The following PLSCR4 variants were observed in gnomAD, a reference collection of about 807,000 sequenced individuals.
PLSCR4 encodes phospholipid scramblase 4.
In PLSCR4, 25 loss-of-function variants were observed where a neutral mutation model predicts 36.3. The ratio of observed to expected loss-of-function variants is 0.69; its 90% CI spans 0.50 to 0.96. The LOEUF (loss-of-function observed/expected upper bound fraction) is 0.96, where lower values mean the gene tolerates loss of function less well. Among genes scored for constraint, PLSCR4 ranks in the 40% least tolerant of loss-of-function variants. The probability of loss-of-function intolerance (pLI) is 0.00; values close to 1 mark genes in which losing one functional copy is unlikely to be tolerated. For synonymous variants in PLSCR4, 122 were observed against 132.9 expected, an observed-to-expected ratio of 0.92 and a Z score of 0.56; for missense variants, 408 against 414.7, an observed-to-expected ratio of 0.98 and a Z score of 0.14.
chr3:146,242,372 A>C (rs2036187792), intron 1 of PLSCR4, among the ~76,000 whole-genome samples: 1 of 152,158 alleles, frequency 6.6e-6, no homozygotes, highest in African/African-American at 2.4e-5. Context: ...TGAGTGACCA[A>C]GTTAAGGTAC....
intron 6 of PLSCR4, among the ~76,000 whole-genome samples, chr3:146,199,335 C>T (rs1204999382): frequency 1.3e-5 from 2 of 152,076 alleles, no homozygotes; most frequent in Non-Finnish European, 2.9e-5. Context: ...CTAGTTCCAG[C>T]CCTGTCCTTA....
chr3:146,203,124 T>C (rs1023818441), intron 4 of PLSCR4, among the ~76,000 whole-genome samples: 9 of 152,172 alleles, frequency 5.9e-5, no homozygotes, highest in African/African-American at 2.2e-4. Context: ...GTGAATCCTT[T>C]CCACATGGTT....
chr3:146,248,742 G>A (rs1559932822), intron 1 of PLSCR4, among the ~76,000 whole-genome samples: 1 of 152,018 alleles, frequency 6.6e-6, no homozygotes, highest in East Asian at 1.9e-4. Context: ...TGTACACTTG[G>A]GAGCATGTTT....
At chr3:146,213,271 T>C (rs1418736041) in intron 3 of PLSCR4, among the ~76,000 whole-genome samples, 1 of 152,022 alleles carries the variant, frequency 6.6e-6, no homozygotes, top group Non-Finnish European at 1.5e-5. Flanking sequence ...CTTCTTTCAT[T>C]TCTATGGAAG....
chr3:146,225,777 G>C (rs1158999455), intron 1 of PLSCR4, among the ~76,000 whole-genome samples: 6 of 152,182 alleles, frequency 3.9e-5, no homozygotes, highest in African/African-American at 1.4e-4. Flanking sequence ...TGGCCCGCAA[G>C]CGCCGCACGC....
chr3:146,199,746 A>G, intron 6 of PLSCR4, 67 bp downstream of exon 6: 1 of 1,259,812 alleles, frequency 7.9e-7, no homozygotes, highest in Non-Finnish European at 1.1e-6. Flanking sequence ...ATGTAGTGGA[A>G]GGAGCACACT....
At chr3:146,243,737 A>T (rs1038492470) in intron 1 of PLSCR4, among the ~76,000 whole-genome samples, 3 of 152,208 alleles carry the variant, frequency 2.0e-5, no homozygotes, top group Admixed American at 6.5e-5. Context: ...TTCTAAGACA[A>T]AAACCATTGT....
intron 3 of PLSCR4, among the ~76,000 whole-genome samples, chr3:146,211,149 G>A (rs1310756104): frequency 1.3e-5 from 2 of 152,002 alleles, no homozygotes. Context: ...TTCCAAAGTG[G>A]CTTTACAATT....
In PLSCR4 at chr3:146,207,281, A is replaced by C. The variant is rs533416910; in HGVS notation, c.119-520T>G. On this transcript the variant is annotated intron_variant, in intron 3 of 8. Coordinates refer to ENST00000354952, the MANE Select transcript of PLSCR4 (RefSeq NM_020353.3). ...GTTGCCTTGACCCAATCGCTTGTACATATCTTCATCATCGAGTTCTCAGAC... is the reference window on the plus strand; with the variant it reads ...GTTGCCTTGACCCAATCGCTTGTACCTATCTTCATCATCGAGTTCTCAGAC... Among the ~76,000 whole-genome samples the C allele has an allele frequency of 2.0e-5, 3 of 152,270 alleles. No individual in the cohort carries two copies. The East Asian group carries it at 5.8e-4, about 29-fold the overall frequency.
At chr3:146,223,377 T>C (rs1481996708) in intron 1 of PLSCR4, among the ~76,000 whole-genome samples, 13 of 151,952 alleles carry the variant, frequency 8.6e-5, no homozygotes, top group African/African-American at 2.9e-4. Context: ...TATCAAGTGT[T>C]AGGCAAAGGG....
chr3:146,224,672 G>A (rs971072690), intron 1 of PLSCR4, among the ~76,000 whole-genome samples: 1 of 152,024 alleles, frequency 6.6e-6, no homozygotes, highest in South Asian at 2.1e-4. Flanking sequence ...CCACAGTGTG[G>A]AAGGGGACCC....
Position 146,250,986 on chromosome 3 carries a change from CG to C in PLSCR4, c.-49del. On this transcript the variant is annotated 5_prime_UTR_variant, in exon 1 of 9. Transcript: ENST00000354952. The stretch of plus-strand genomic sequence containing the variant: ...GCCTGCCCCGCAGAATGCTGGGCAC[CG>C]GGGACGCCAGACGCCGGGTCTAGTT... 6.5e-6 allele frequency: 1 copy of C among 153,096 alleles called. No individual in the cohort carries two copies. Among genetic ancestry groups the C allele is most frequent in the Non-Finnish European group, 1.5e-5 (1 of 68,774 alleles). 9.5% of individuals were successfully genotyped at this position (153,096 alleles called of 1,614,324 possible).
chr3:146,216,214 C>T (rs796521395), intron 3 of PLSCR4, among the ~76,000 whole-genome samples: 17 of 151,978 alleles, frequency 1.1e-4, no homozygotes, highest in Admixed American at 3.3e-4. Context: ...CTGGGCAACA[C>T]GGCAGCATTC....
At chr3:146,246,094 G>A (rs9855695) in intron 1 of PLSCR4, among the ~76,000 whole-genome samples, 116,583 of 151,990 alleles carry the variant, frequency 0.77, 45,773 homozygotes, top group Non-Finnish European at 0.86. Flanking sequence ...TTAGAGAAAC[G>A]AATTCCAGGC....
At chr3:146,225,118 TAC>T (rs2035391192) in intron 1 of PLSCR4, among the ~76,000 whole-genome samples, 2 of 151,752 alleles carry the variant, frequency 1.3e-5, no homozygotes, top group Admixed American at 1.3e-4. Context: ...AGCAGCTAGA[TAC>T]AGAGTGTCCA....
At chr3:146,218,657 G>C (rs1211977896) in intron 3 of PLSCR4, among the ~76,000 whole-genome samples, 1 of 152,090 alleles carries the variant, frequency 6.6e-6, no homozygotes, top group African/African-American at 2.4e-5. Context: ...TTTCATAAGA[G>C]TTCTGATTGC....
intron 3 of PLSCR4, among the ~76,000 whole-genome samples, chr3:146,220,409 C>T (rs772072022): frequency 1.3e-5 from 2 of 152,102 alleles, no homozygotes; most frequent in African/African-American, 2.4e-5. Context: ...CCTGTACTTA[C>T]GGACATATGA....
intron 6 of PLSCR4, among the ~76,000 whole-genome samples, chr3:146,197,729 T>G (rs2033823757): frequency 6.6e-6 from 1 of 152,128 alleles, no homozygotes; most frequent in Non-Finnish European, 1.5e-5. Context: ...AAGCCCAAAG[T>G]GAAAATTTTA....
At chr3:146,216,337 G>A (rs909784561) in intron 3 of PLSCR4, among the ~76,000 whole-genome samples, 2 of 152,058 alleles carry the variant, frequency 1.3e-5, no homozygotes, top group Non-Finnish European at 2.9e-5. Flanking sequence ...GTGATAAGGT[G>A]GAGATTATGG....
Sources: allele counts gnomAD v4.1 joint callset (sites outside exome capture counted in the v4.1 genomes callset), GRCh38; gene constraint gnomAD v4.1.1; transcripts MANE v1.5; gene names NCBI Gene and HGNC (gene_info 2026-07-23, HGNC 2026-07-21).